MTMR2: variants seen among roughly 807,000 people sequenced by gnomAD.
The protein encoded by MTMR2 is phosphatidylinositol-3,5-bisphosphate 3-phosphatase MTMR2.
In MTMR2, 55 loss-of-function variants were observed where a neutral mutation model predicts 86.9. The ratio of observed to expected loss-of-function variants is 0.63; its 90% CI spans 0.51 to 0.79. MTMR2 has a LOEUF of 0.79. Ranked by LOEUF, MTMR2 falls within the 30% of genes least tolerant of loss-of-function variation. The probability of loss-of-function intolerance (pLI) is 0.00; values close to 1 mark genes in which losing one functional copy is unlikely to be tolerated. For synonymous variants in MTMR2, 241 were observed against 266.8 expected, an observed-to-expected ratio of 0.90 and a Z score of 0.94; for missense variants, 659 against 772.3, an observed-to-expected ratio of 0.85 and a Z score of 1.74.
intron 14 of MTMR2, among the ~76,000 whole-genome samples, chr11:95,835,872 A>T (rs1292412544): frequency 6.6e-6 from 1 of 152,068 alleles, no homozygotes; most frequent in Non-Finnish European, 1.5e-5. Context: ...TCTTCAGCTT[A>T]TTAAAACAAG....
chr11:95,923,023 A>AT (rs1866986484), intron 1 of MTMR2, among the ~76,000 whole-genome samples: 1 of 152,194 alleles, frequency 6.6e-6, no homozygotes, highest in Non-Finnish European at 1.5e-5. Context: ...GTCTTATATT[A>AT]TTTTTTAAAA....
In MTMR2 at chr11:95,858,574, A is replaced by G. The variant is rs1422329979; in HGVS notation, c.527T>C (p.Phe176Ser). ...KPEGRTRRSI[F>S]ENLMKYAFPV... is the part of the protein sequence containing the mutation. ...AAATGCATATTTCATTAGATTCTCA[A>G]ATATGGATCTTCTTGTCCGCCCCTC... The change falls in exon 6 of 15, where the codon TTT (phenylalanine) becomes TCT (serine). Residue 176 changes from phenylalanine (F) to serine (S), a missense_variant. This residue lies in a region of MTMR2 where 387 missense variants were observed against 526.3 expected (regional missense o/e 0.74). Transcript: ENST00000346299. The G allele has an allele frequency of 3.7e-6, 6 of 1,612,996 alleles. No homozygotes were observed. Among genetic ancestry groups the G allele is most frequent in the Admixed American group, 3.3e-5 (2 of 59,998 alleles).
At chr11:95,841,943 T>TAA (rs1863566103) in intron 11 of MTMR2, among the ~76,000 whole-genome samples, 1 of 152,050 alleles carries the variant, frequency 6.6e-6, no homozygotes, top group Admixed American at 6.6e-5. Context: ...AAAACATTTT[T>TAA]AAAAGCCAGG....
At chr11:95,855,771 A>C (rs1163120499) in intron 7 of MTMR2, among the ~76,000 whole-genome samples, 1 of 152,170 alleles carries the variant, frequency 6.6e-6, no homozygotes, top group Non-Finnish European at 1.5e-5. Flanking sequence ...CTAATCCTTC[A>C]AACATCCCAT....
chr11:95,861,277 T>C (rs980845847), intron 5 of MTMR2, among the ~76,000 whole-genome samples: 17 of 151,500 alleles, frequency 1.1e-4, no homozygotes, highest in African/African-American at 3.9e-4. Context: ...CTTATGTTGC[T>C]AATTTGTAAA....
At chr11:95,912,934 C>T (rs1866564456) in intron 1 of MTMR2, 1 of 151,984 alleles carries the variant, frequency 6.6e-6, no homozygotes, top group Admixed American at 6.6e-5. Flanking sequence ...AAAATTTGTA[C>T]CTACTATTTC....
chr11:95,877,195 G>C (rs546326550), intron 2 of MTMR2, among the ~76,000 whole-genome samples: 12 of 152,256 alleles, frequency 7.9e-5, no homozygotes, highest in African/African-American at 2.9e-4. Flanking sequence ...TCTACAACTT[G>C]ACTGACAAGC....
At chr11:95,923,146 A>T (rs2135655623) in intron 1 of MTMR2, among the ~76,000 whole-genome samples, 1 of 152,360 alleles carries the variant, frequency 6.6e-6, no homozygotes, top group South Asian at 2.1e-4. Context: ...TCAAAATTCC[A>T]GGATAAAATT....
At position 95,880,261 on chromosome 11, in the gene MTMR2, A is replaced by AT. The variant is rs1167675130; in HGVS notation, c.186+7894dup. Among the ~76,000 whole-genome samples, 3 of 152,022 alleles carry AT rather than the reference A, an allele frequency of 2.0e-5. No homozygotes were observed. In the East Asian group the frequency reaches 5.8e-4, roughly 29 times the overall value. ...CTCGTGTGTTTTAGGAGGAGCTTGT[A>AT]TTTTCTCAACTGCATATATGTCTAT... On this transcript the variant is annotated intron_variant, in intron 2 of 14. Transcript: ENST00000346299.
intron 3 of MTMR2, 182 bp downstream of exon 3, chr11:95,865,419 T>C: frequency 3.2e-6 from 2 of 629,312 alleles, no homozygotes; most frequent in Admixed American, 5.3e-5. Flanking sequence ...ACACAAACAC[T>C]AGCAGCGGGT....
chr11:95,836,136 T>A lies in MTMR2; in HGVS notation c.1770+12A>T. The A allele has an allele frequency of 6.3e-7, 1 of 1,590,028 alleles. No homozygotes were observed. The highest frequency in any genetic ancestry group is 8.6e-7 in the Non-Finnish European group (1 of 1,162,044). On this transcript the variant is annotated intron_variant, in intron 14 of 14. Coordinates refer to ENST00000346299, the MANE Select transcript of MTMR2 (RefSeq NM_016156.6). ...GAATGAAAACTCCCATTGTATATTG[T>A]AAGGCACATACCTGTGGTTTCATCC...
At position 95,854,686 on chromosome 11, in the gene MTMR2, G is replaced by A. The variant is rs188165490; in HGVS notation, c.654+2866C>T. Reference sequence around the variant, plus strand: ...TCACTATGTTGCCCAGGCTGGTGTCGAACTCCTGAGCTCAAGCAATCCTCC... The same window carrying A: ...TCACTATGTTGCCCAGGCTGGTGTCAAACTCCTGAGCTCAAGCAATCCTCC... On this transcript the variant is annotated intron_variant, in intron 7 of 14. Transcript: ENST00000346299. Among the ~76,000 whole-genome samples, 297 of 152,020 alleles carry A rather than the reference G, an allele frequency of 2.0e-3. 5 individuals are homozygous for A. Among genetic ancestry groups the A allele is most frequent in the Admixed American group, 0.017 (266 of 15,288 alleles).
intron 9 of MTMR2, among the ~76,000 whole-genome samples, chr11:95,849,470 T>G (rs953115301): frequency 6.6e-6 from 1 of 152,162 alleles, no homozygotes; most frequent in African/African-American, 2.4e-5. Flanking sequence ...TTAACTATTA[T>G]TATTCTCATT....
At chr11:95,871,007 A>G (rs543663528) in intron 2 of MTMR2, among the ~76,000 whole-genome samples, 8 of 151,066 alleles carry the variant, frequency 5.3e-5, no homozygotes, top group African/African-American at 1.9e-4. Flanking sequence ...TGTCCTTGTG[A>G]TAGTTTCCTG....
chr11:95,875,475 G>C (rs1400906813), intron 2 of MTMR2, among the ~76,000 whole-genome samples: 1 of 152,090 alleles, frequency 6.6e-6, no homozygotes, highest in Non-Finnish European at 1.5e-5. Flanking sequence ...CACTGCATTG[G>C]TTATTCTAGT....
intron 2 of MTMR2, among the ~76,000 whole-genome samples, chr11:95,883,197 A>G (rs1309312527): frequency 6.6e-6 from 1 of 152,130 alleles, no homozygotes; most frequent in Non-Finnish European, 1.5e-5. Flanking sequence ...ATTAAAACCC[A>G]GTGCTATACA....
intron 2 of MTMR2, among the ~76,000 whole-genome samples, chr11:95,868,241 C>T (rs1864691644): frequency 7.9e-6 from 1 of 126,522 alleles, no homozygotes; most frequent in African/African-American, 3.0e-5. Context: ...CCACTGCACT[C>T]CAGCCTAGGC....
chr11:95,858,674 T>C, intron 5 of MTMR2, 42 bp from the exon 6 acceptor site: 3 of 1,237,488 alleles, frequency 2.4e-6, no homozygotes, highest in Non-Finnish European at 3.6e-6. Flanking sequence ...TGTTCACTAC[T>C]TACTTAAATG....
chr11:95,849,276 A>G (rs1644464994), intron 9 of MTMR2, among the ~76,000 whole-genome samples: 1 of 152,134 alleles, frequency 6.6e-6, no homozygotes, highest in South Asian at 2.1e-4. Flanking sequence ...AGTCACCGAG[A>G]ACACTAGTTC....
Sources: allele counts gnomAD v4.1 joint callset (sites outside exome capture counted in the v4.1 genomes callset), GRCh38; gene constraint gnomAD v4.1.1; regional missense constraint gnomAD v4.1.1; transcripts MANE v1.5; gene names NCBI Gene and HGNC (gene_info 2026-07-23, HGNC 2026-07-21).